Variants in ZFAT observed in about 807,000 individuals in gnomAD.
ZFAT encodes zinc finger and AT-hook domain containing.
In ZFAT, 64 loss-of-function variants were observed where a neutral mutation model predicts 117.7. The observed-to-expected ratio is 0.54, with a 90% CI of 0.44 to 0.67. The LOEUF (loss-of-function observed/expected upper bound fraction) is 0.67, where lower values mean the gene tolerates loss of function less well. ZFAT is among the 30% of genes least tolerant of loss of function. ZFAT has a pLI of 0.00. For synonymous variants in ZFAT, 679 were observed against 615.0 expected (o/e 1.10, Z -1.54); for missense variants, 1,433 against 1,584.5 (o/e 0.90, Z 1.62).
intron 9 of ZFAT, 44 bp from the exon 10 acceptor site, chr8:134,584,049 T>C: frequency 6.6e-7 from 1 of 1,518,352 alleles, no homozygotes; most frequent in Non-Finnish European, 8.9e-7. Context: ...TTTACATACG[T>C]TTATGCATAT....
At chr8:134,597,795 G>A (rs1274726614) in intron 7 of ZFAT, 1 of 152,178 alleles carries the variant, frequency 6.6e-6, no homozygotes, top group African/African-American at 2.4e-5. Flanking sequence ...GCAAATATCA[G>A]TAAGGGAAAA....
At chr8:134,671,731 C>A (rs1382374179) in intron 1 of ZFAT, among the ~76,000 whole-genome samples, 2 of 152,126 alleles carry the variant, frequency 1.3e-5, no homozygotes, top group African/African-American at 4.8e-5. Flanking sequence ...GCTATTCAAC[C>A]CAGTGTTGGA....
intron 1 of ZFAT, among the ~76,000 whole-genome samples, chr8:134,683,821 G>T (rs1022277916): frequency 6.6e-6 from 1 of 152,124 alleles, no homozygotes; most frequent in African/African-American, 2.4e-5. Flanking sequence ...GTCTGATGGG[G>T]TAGCTGCCTC....
At chr8:134,520,198 T>C (rs1304396730) in intron 13 of ZFAT, among the ~76,000 whole-genome samples, 1 of 152,266 alleles carries the variant, frequency 6.6e-6, no homozygotes, top group Non-Finnish European at 1.5e-5. Context: ...GGGGGGATGA[T>C]GCTACTAGTA....
intron 1 of ZFAT, among the ~76,000 whole-genome samples, chr8:134,710,114 G>A (rs1217451738): frequency 6.6e-6 from 1 of 152,196 alleles, no homozygotes; most frequent in Non-Finnish European, 1.5e-5. Flanking sequence ...TAAAACTCTT[G>A]GGTAAATTCC....
At chr8:134,653,270 T>TTTAAAA (rs1554615159) in intron 2 of ZFAT, among the ~76,000 whole-genome samples, 7 of 91,882 alleles carry the variant, frequency 7.6e-5, no homozygotes, top group African/African-American at 1.3e-4. Flanking sequence ...ATGTCTTTTT[T>TTTAAAA]AAAAAAAAAA....
intron 10 of ZFAT, among the ~76,000 whole-genome samples, chr8:134,577,404 T>C (rs1262134296): frequency 6.6e-6 from 1 of 152,220 alleles, no homozygotes; most frequent in Non-Finnish European, 1.5e-5. Flanking sequence ...ATTCAATTCC[T>C]TTTTACTTCA....
At chr8:134,800,185 G>A in the ZFAT span, among the ~76,000 whole-genome samples, 1 of 152,134 alleles carries the variant, frequency 6.6e-6, no homozygotes, top group African/African-American at 2.4e-5. Flanking sequence ...CTTATGTCAT[G>A]TTAGTGCTAT....
chr8:134,721,107 A>T, the ZFAT span, among the ~76,000 whole-genome samples: 3 of 152,120 alleles, frequency 2.0e-5, no homozygotes, highest in African/African-American at 7.2e-5. Flanking sequence ...TGCCAGCCCT[A>T]CGTGTGTTTA....
chr8:134,492,189 G>T (rs1818104509), intron 15 of ZFAT, among the ~76,000 whole-genome samples: 1 of 152,104 alleles, frequency 6.6e-6, no homozygotes, highest in Non-Finnish European at 1.5e-5. Flanking sequence ...AGGAAGAGCT[G>T]CCCTGCTGTT....
At chr8:134,668,172 C>T (rs1003549468) in intron 1 of ZFAT, among the ~76,000 whole-genome samples, 1 of 152,216 alleles carries the variant, frequency 6.6e-6, no homozygotes, top group Non-Finnish European at 1.5e-5. Context: ...GCAGACTCCA[C>T]CTCTGGGGGC....
chr8:134,631,915 T>C (rs566144671), intron 3 of ZFAT, among the ~76,000 whole-genome samples: 2 of 152,346 alleles, frequency 1.3e-5, no homozygotes, highest in Admixed American at 6.5e-5. Flanking sequence ...CAAAGTTTTA[T>C]TTTTTAAGGG....
At chr8:134,500,438 G>A (rs769869153) in intron 15 of ZFAT, among the ~76,000 whole-genome samples, 121 of 152,168 alleles carry the variant, frequency 8.0e-4, no homozygotes, top group Non-Finnish European at 1.9e-4. Context: ...ATGGGAAAAA[G>A]GCACCATAAT....
the ZFAT span, among the ~76,000 whole-genome samples, chr8:134,830,008 G>A: frequency 1.3e-5 from 2 of 152,060 alleles, no homozygotes; most frequent in Admixed American, 6.5e-5. Context: ...ACCAAGATAC[G>A]CACAGCCCAA....
chr8:134,580,931 T>C (rs373705525), intron 10 of ZFAT, among the ~76,000 whole-genome samples: 37 of 152,120 alleles, frequency 2.4e-4, no homozygotes, highest in East Asian at 1.5e-3. Flanking sequence ...GAAAGAATCA[T>C]GGAAGATGAA....
At chr8:134,808,219 G>A in the ZFAT span, among the ~76,000 whole-genome samples, 8 of 152,150 alleles carry the variant, frequency 5.3e-5, no homozygotes, top group Admixed American at 1.3e-4. Context: ...GGATGTGAAC[G>A]CTAGGCCCTG....
intron 2 of ZFAT, among the ~76,000 whole-genome samples, chr8:134,642,833 C>T (rs771821759): frequency 9.2e-5 from 14 of 152,322 alleles, no homozygotes; most frequent in East Asian, 3.9e-4. Flanking sequence ...ATCTCCCTGA[C>T]GTTTATTTCC....
chr8:134,625,407 C>T (rs1829431780), intron 3 of ZFAT, among the ~76,000 whole-genome samples: 1 of 152,218 alleles, frequency 6.6e-6, no homozygotes, highest in Admixed American at 6.5e-5. Flanking sequence ...TCCTTCTCCA[C>T]CTTCTCCCCC....
At chr8:134,505,202 G>A (rs1313672926) in intron 15 of ZFAT, among the ~76,000 whole-genome samples, 4 of 152,070 alleles carry the variant, frequency 2.6e-5, no homozygotes, top group Non-Finnish European at 5.9e-5. Context: ...TAAGCTTCTC[G>A]ACCATATCAT....
Sources: gnomAD v4.1 joint callset for allele counts (sites outside exome capture counted in the v4.1 genomes callset) on GRCh38, gnomAD v4.1.1 for gene constraint, MANE v1.5 for transcripts, NCBI Gene and HGNC (gene_info 2026-07-23, HGNC 2026-07-21) for gene names.